The following EMC2 variants were observed in gnomAD, a reference collection of about 807,000 sequenced individuals.
EMC2 encodes the protein TPR repeat protein 35.
In EMC2, 37 loss-of-function variants were observed where a neutral mutation model predicts 51.6. The ratio of observed to expected loss-of-function variants is 0.72; its 90% CI spans 0.55 to 0.94. The LOEUF (loss-of-function observed/expected upper bound fraction) is 0.94. Among genes scored for constraint, EMC2 ranks in the 40% least tolerant of loss-of-function variants. The pLI is 0.00. For synonymous variants in EMC2, 131 were observed against 112.4 expected, an observed-to-expected ratio of 1.17 and a Z score of -1.04; for missense variants, 359 against 350.9, an observed-to-expected ratio of 1.02 and a Z score of -0.18.
intron 1 of EMC2, chr8:108,446,322 T>C: frequency 2.4e-6 from 1 of 421,180 alleles, no homozygotes; most frequent in Non-Finnish European, 4.8e-6. Flanking sequence ...TTGGGTATCT[T>C]AAGAATTTAC....
chr8:108,480,474 C>T (rs780065714), intron 10 of EMC2, among the ~76,000 whole-genome samples: 2 of 152,104 alleles, frequency 1.3e-5, no homozygotes, highest in South Asian at 4.1e-4. Context: ...TTTCTTAGAA[C>T]TGAGTATGAA....
At position 108,476,859 on chromosome 8, in the gene EMC2, C is replaced by T; in HGVS notation, c.669C>T (p.Asn223=). ...TTGCACAGGCATTGAAACTGAACAA[C>T]AGAAATATGAGAGCTTTGTTTGGAC... The part of the protein sequence containing the change: ...KYFAQALKLN[N]RNMRALFGLY... The change falls in exon 9 of 11, where the codon AAC becomes AAT. Residue 223 remains asparagine, a synonymous_variant. Coordinates refer to ENST00000220853, the MANE Select transcript of EMC2 (RefSeq NM_014673.5). The T allele has an allele frequency of 6.3e-7, 1 of 1,596,266 alleles. No homozygotes were observed.
intron 10 of EMC2, among the ~76,000 whole-genome samples, chr8:108,484,004 C>T (rs1233076736): frequency 6.6e-6 from 1 of 152,008 alleles, no homozygotes; most frequent in South Asian, 2.1e-4. Flanking sequence ...GCTTTTCTTT[C>T]TTTGTTTCCA....
rs547438183 is a variant in EMC2 at position 108,466,741 on chromosome 8, A to G, written c.364-3085A>G. Among the ~76,000 whole-genome samples the G allele has an allele frequency of 1.4e-4, 22 of 152,238 alleles. No individual in the cohort carries two copies. The South Asian group carries it at 3.5e-3, about 24-fold the overall frequency. ...AGTGTTGGGATTACAGGCATGAACC[A>G]CTGCACCTGGCCAAAATTGGTCTTT... On this transcript the variant is annotated intron_variant, in intron 5 of 10. Transcript: ENST00000220853.
chr8:108,473,646 A>G (rs1810898886), intron 7 of EMC2, among the ~76,000 whole-genome samples: 1 of 143,812 alleles, frequency 7.0e-6, no homozygotes, highest in African/African-American at 2.6e-5. Flanking sequence ...TCCTTTTCAT[A>G]AGTCCAGCCT....
chr8:108,476,302 A>G (rs1440385250), intron 8 of EMC2, among the ~76,000 whole-genome samples: 1 of 151,890 alleles, frequency 6.6e-6, no homozygotes, highest in Non-Finnish European at 1.5e-5. Flanking sequence ...AATTTGTATT[A>G]AAGCCAATTG....
chr8:108,450,933 G>A (rs556688311), intron 3 of EMC2, among the ~76,000 whole-genome samples: 4 of 152,324 alleles, frequency 2.6e-5, no homozygotes, highest in African/African-American at 9.6e-5. Flanking sequence ...CAGGCAAGGT[G>A]GCTCACACCT....
chr8:108,448,534 A>G (rs1238907846), intron 1 of EMC2, among the ~76,000 whole-genome samples: 1 of 152,102 alleles, frequency 6.6e-6, no homozygotes, highest in African/African-American at 2.4e-5. Context: ...TAGAAACAGG[A>G]GTTTCTCTAC....
At chr8:108,474,108 G>A (rs966627250) in intron 7 of EMC2, 9 of 151,810 alleles carry the variant, frequency 5.9e-5, no homozygotes, top group South Asian at 2.1e-4. Context: ...TAAAATTGGG[G>A]GAAGGAGTCC....
intron 1 of EMC2, among the ~76,000 whole-genome samples, chr8:108,448,513 T>C (rs1029703212): frequency 6.6e-6 from 1 of 152,180 alleles, no homozygotes; most frequent in African/African-American, 2.4e-5. Context: ...TCTCACAAGA[T>C]CTCATGGTTT....
intron 7 of EMC2, chr8:108,470,893 A>G (rs1810842724): frequency 6.6e-6 from 1 of 152,050 alleles, no homozygotes; most frequent in Non-Finnish European, 1.5e-5. Flanking sequence ...TTGTGCATGA[A>G]TATTTAACCT....
chr8:108,447,217 C>A (rs1417913175), intron 1 of EMC2, among the ~76,000 whole-genome samples: 2 of 151,246 alleles, frequency 1.3e-5, no homozygotes, highest in African/African-American at 2.4e-5. Context: ...ACTGCCCCCC[C>A]ACCCCCAACA....
intron 10 of EMC2, among the ~76,000 whole-genome samples, chr8:108,484,616 T>C (rs577942375): frequency 6.6e-6 from 1 of 152,090 alleles, no homozygotes; most frequent in South Asian, 2.1e-4. Flanking sequence ...TAAAAGCAAT[T>C]AGAATAAATG....
At position 108,449,652 on chromosome 8, in the gene EMC2, A is replaced by G. The variant is rs7010863; in HGVS notation, c.41-171A>G. On this transcript the variant is annotated intron_variant, in intron 1 of 10. Coordinates refer to ENST00000220853, the MANE Select transcript of EMC2 (RefSeq NM_014673.5). ...CTAAAGGATCTGTTGCCCTTGTTCA[A>G]TTAATTTTCTACTTTATCAAATTTG... 0.68 allele frequency among the ~76,000 whole-genome samples: 104,067 copies of G among 152,132 alleles called. 36,164 individuals carry two copies. The highest frequency in any genetic ancestry group is 0.81 in the African/African-American group (33,572 of 41,506).
At chr8:108,458,419 G>A (rs73304641) in intron 5 of EMC2, among the ~76,000 whole-genome samples, 10,355 of 152,136 alleles carry the variant, frequency 0.068, 1,168 homozygotes, top group African/African-American at 0.23. Flanking sequence ...TGGTAGCCCC[G>A]CCCGTGCAAC....
intron 8 of EMC2, among the ~76,000 whole-genome samples, chr8:108,476,571 A>G (rs569838213): frequency 6.6e-6 from 1 of 152,030 alleles, no homozygotes; most frequent in Non-Finnish European, 1.5e-5. Context: ...AGTCATCTCA[A>G]TGTTCATAGA....
intron 5 of EMC2, among the ~76,000 whole-genome samples, chr8:108,458,423 G>A (rs189323616): frequency 3.3e-4 from 50 of 152,282 alleles, no homozygotes; most frequent in African/African-American, 7.9e-4. Context: ...AGCCCCGCCC[G>A]TGCAACAAAC....
intron 4 of EMC2, among the ~76,000 whole-genome samples, chr8:108,454,947 T>C (rs925285225): frequency 3.3e-5 from 5 of 152,094 alleles, no homozygotes; most frequent in African/African-American, 9.6e-5. Flanking sequence ...ATAATTCTTA[T>C]CCTTGTACCT....
chr8:108,480,636 TTTTTG>T (rs1811029088), intron 10 of EMC2, among the ~76,000 whole-genome samples: 3 of 152,148 alleles, frequency 2.0e-5, no homozygotes. Context: ...TGTTTCTTCC[TTTTTG>T]TTTTGTTTTC....
Sources: allele counts gnomAD v4.1 joint callset (sites outside exome capture counted in the v4.1 genomes callset), GRCh38; gene constraint gnomAD v4.1.1; transcripts MANE v1.5; gene names NCBI Gene and HGNC (gene_info 2026-07-23, HGNC 2026-07-21).